Variants in PNLIPRP3 observed in about 807,000 individuals in gnomAD.
PNLIPRP3 encodes pancreatic lipase related protein 3, also known as pancreatic lipase-related protein 3.
In PNLIPRP3, 58 loss-of-function variants were observed where a neutral mutation model predicts 52.8. The observed-to-expected ratio is 1.10, with a 90% CI of 0.89 to 1.37. The LOEUF is 1.37. Among genes scored for constraint, PNLIPRP3 ranks in the 40% most tolerant of loss-of-function variants. The pLI is 0.00. For missense variants in PNLIPRP3, 593 were observed against 561.6 expected (o/e 1.06, Z -0.57); for synonymous variants, 192 against 185.0 (o/e 1.04, Z -0.31).
At chr10:116,436,118 G>A (rs1212507043) in intron 1 of PNLIPRP3, among the ~76,000 whole-genome samples, 1 of 152,146 alleles carries the variant, frequency 6.6e-6, no homozygotes, top group Non-Finnish European at 1.5e-5. Flanking sequence ...TCACCAAATG[G>A]TGTTGGGAAA....
At chr10:116,461,128 A>G in intron 6 of PNLIPRP3, 40 bp from the exon 7 acceptor site, 2 of 1,614,102 alleles carry the variant, frequency 1.2e-6, no homozygotes, top group Non-Finnish European at 1.7e-6. Context: ...AGCATAGAGG[A>G]GATTTTTAGA....
intron 2 of PNLIPRP3, chr10:116,439,622 G>T: frequency 1.3e-6 from 1 of 768,984 alleles, no homozygotes; most frequent in Non-Finnish European, 2.3e-6. Flanking sequence ...CCTTAGTGAT[G>T]TAAGGCTGCT....
At chr10:116,457,027 A>T (rs1846125603) in intron 5 of PNLIPRP3, among the ~76,000 whole-genome samples, 1 of 152,158 alleles carries the variant, frequency 6.6e-6, no homozygotes, top group Non-Finnish European at 1.5e-5. Context: ...TTGTCACGTA[A>T]ACTTGTCATG....
chr10:116,438,061 GA>G (rs1375218292), intron 2 of PNLIPRP3, among the ~76,000 whole-genome samples: 2 of 152,264 alleles, frequency 1.3e-5, no homozygotes, highest in South Asian at 2.1e-4. Context: ...AAATGATTGG[GA>G]AAATGATAAC....
At chr10:116,471,162 A>G (rs1897520) in intron 9 of PNLIPRP3, among the ~76,000 whole-genome samples, 20,999 of 152,192 alleles carry the variant, frequency 0.14, 2,320 homozygotes, top group African/African-American at 0.3. Flanking sequence ...AGAATTCAGA[A>G]TAAAAGATCT....
intron 2 of PNLIPRP3, chr10:116,440,182 T>C (rs561218694): frequency 5.3e-6 from 3 of 562,664 alleles, no homozygotes; most frequent in Non-Finnish European, 9.5e-6. Context: ...CTAACTCTAT[T>C]CCCTGATCTT....
chr10:116,445,559 A>AT (rs5788163), intron 4 of PNLIPRP3, among the ~76,000 whole-genome samples: 2 of 6,998 alleles, frequency 2.9e-4, no homozygotes, highest in Non-Finnish European at 0.033. Flanking sequence ...TTCTCTTTAT[A>AT]AAAAAAAAAA....
At chr10:116,432,987 A>T (rs1845727858) in intron 1 of PNLIPRP3, among the ~76,000 whole-genome samples, 1 of 151,416 alleles carries the variant, frequency 6.6e-6, no homozygotes, top group Non-Finnish European at 1.5e-5. Context: ...GGAGGTGCAC[A>T]CCTGTAATCC....
chr10:116,476,016 G>A lies in PNLIPRP3; in HGVS notation c.1173-636G>A, dbSNP rs530669116. On this transcript the variant is annotated intron_variant, in intron 10 of 11. Coordinates refer to ENST00000369230, the MANE Select transcript of PNLIPRP3 (RefSeq NM_001011709.3). The stretch of plus-strand genomic sequence containing the variant: ...GGTTTGGGTGCCACGACCAATCTGG[G>A]TCACAGTGGAGAATTTTTGCATGAT... Among the ~76,000 whole-genome samples, 179 of 152,256 alleles carry A rather than the reference G, an allele frequency of 1.2e-3. 1 individual carries two copies. The highest frequency in any genetic ancestry group is 4.1e-3 in the African/African-American group (172 of 41,550).
intron 4 of PNLIPRP3, 133 bp downstream of exon 4, chr10:116,444,646 A>T: frequency 2.2e-6 from 2 of 908,268 alleles, no homozygotes; most frequent in South Asian, 3.8e-5. Flanking sequence ...AAGCATTTGT[A>T]TATGGCAGAC....
At chr10:116,444,257 C>T (rs1025625127) in intron 3 of PNLIPRP3, 125 bp from the exon 4 acceptor site, 31 of 768,026 alleles carry the variant, frequency 4.0e-5, no homozygotes, top group African/African-American at 7.1e-5. Context: ...AAGATTTGGT[C>T]GGGGACACAA....
At chr10:116,453,152 T>C (rs928492596) in intron 4 of PNLIPRP3, among the ~76,000 whole-genome samples, 1 of 152,188 alleles carries the variant, frequency 6.6e-6, no homozygotes, top group African/African-American at 2.4e-5. Context: ...AAGGATTATG[T>C]TGGATCTTTA....
intron 5 of PNLIPRP3, among the ~76,000 whole-genome samples, chr10:116,458,200 G>A (rs974560558): frequency 2.6e-5 from 4 of 151,992 alleles, no homozygotes; most frequent in African/African-American, 4.8e-5. Flanking sequence ...CAGTATCAAC[G>A]CTTTTCTTAT....
At chr10:116,457,469 G>T (rs569421819) in intron 5 of PNLIPRP3, among the ~76,000 whole-genome samples, 6 of 152,176 alleles carry the variant, frequency 3.9e-5, no homozygotes, top group Non-Finnish European at 7.4e-5. Flanking sequence ...GGATTATTTT[G>T]TCTCTGCAAT....
At chr10:116,433,215 T>C (rs1845732504) in intron 1 of PNLIPRP3, among the ~76,000 whole-genome samples, 2 of 145,962 alleles carry the variant, frequency 1.4e-5, no homozygotes. Context: ...AGCCTGATAA[T>C]TTTGATTGCA....
At chr10:116,463,859 G>A (rs1201421861) in intron 7 of PNLIPRP3, among the ~76,000 whole-genome samples, 1 of 152,130 alleles carries the variant, frequency 6.6e-6, no homozygotes, top group Non-Finnish European at 1.5e-5. Flanking sequence ...AAATGGCTGG[G>A]CACAGTGGCT....
chr10:116,454,943 GT>G (rs1375574389), intron 4 of PNLIPRP3, among the ~76,000 whole-genome samples: 5 of 152,128 alleles, frequency 3.3e-5, no homozygotes, highest in Non-Finnish European at 5.9e-5. Flanking sequence ...TCTATTTTTA[GT>G]TTTTCAAGGC....
At chr10:116,429,010 G>A (rs1332402129) in intron 1 of PNLIPRP3, among the ~76,000 whole-genome samples, 1 of 151,956 alleles carries the variant, frequency 6.6e-6, no homozygotes, top group Non-Finnish European at 1.5e-5. Flanking sequence ...TGTAGAAACA[G>A]GACAGTAACC....
chr10:116,477,863 A>G lies in PNLIPRP3; in HGVS notation c.*710A>G, dbSNP rs961069078. ...CCTCTCCCTGGGTCTTGAATGCTCT[A>G]TGGTGAATTTGTATTTAGCCTCAAG... On this transcript the variant is annotated 3_prime_UTR_variant, in exon 12 of 12. Transcript: ENST00000369230. The G allele has an allele frequency of 6.6e-6, 1 of 152,172 alleles. No homozygotes were observed. Among genetic ancestry groups the G allele is most frequent in the Non-Finnish European group, 1.5e-5 (1 of 68,046 alleles). 9.4% of individuals were successfully genotyped at this position (152,172 alleles called of 1,614,324 possible).
Sources: gnomAD v4.1 joint callset for allele counts (sites outside exome capture counted in the v4.1 genomes callset) on GRCh38, gnomAD v4.1.1 for gene constraint, MANE v1.5 for transcripts, NCBI Gene and HGNC (gene_info 2026-07-23, HGNC 2026-07-21) for gene names.